SCML4: variants seen among roughly 807,000 people sequenced by gnomAD.
The protein encoded by SCML4 is sex comb on midleg-like protein 4.
SCML4 carries 34 observed loss-of-function variants against 41.1 expected under a neutral mutation model. The ratio of observed to expected loss-of-function variants is 0.83; its 90% CI spans 0.63 to 1.10. SCML4 has a LOEUF of 1.10. Ranked by LOEUF, SCML4 falls within the 50% of genes least tolerant of loss-of-function variation. The pLI, the probability that SCML4 is intolerant of heterozygous loss-of-function variation, is 0.00. For synonymous variants in SCML4, 214 were observed against 220.9 expected, an observed-to-expected ratio of 0.97 and a Z score of 0.28; for missense variants, 522 against 534.1, an observed-to-expected ratio of 0.98 and a Z score of 0.22.
intron 1 of SCML4, among the ~76,000 whole-genome samples, chr6:107,801,391 C>T (rs1279489095): frequency 6.6e-6 from 1 of 152,134 alleles, no homozygotes; most frequent in Non-Finnish European, 1.5e-5. Flanking sequence ...GAGGGCGTCT[C>T]CTTGGCGAGA....
rs536557390 is a variant in SCML4 at position 107,717,410 on chromosome 6, C to A, written c.973+3293G>T. On this transcript the variant is annotated intron_variant, in intron 6 of 7. Transcript: ENST00000369020. The stretch of plus-strand genomic sequence containing the variant: ...GCTCAACAGTGAACTTCAACTGATA[C>A]ATCACATAGCAGCTTTTCTCCAAAG... 2.0e-5 allele frequency among the ~76,000 whole-genome samples: 3 copies of A among 152,148 alleles called. No individual in the cohort carries two copies. In the East Asian group the frequency reaches 5.8e-4, roughly 29 times the overall value.
At chr6:107,831,411 C>CCAA in the SCML4 span, among the ~76,000 whole-genome samples, 2,153 of 105,858 alleles carry the variant, frequency 0.02, 94 homozygotes, top group Non-Finnish European at 0.026. Flanking sequence ...TTTTCATTCT[C>CCAA]AAAAAAAAAA....
intron 1 of SCML4, among the ~76,000 whole-genome samples, chr6:107,781,146 A>G (rs1206429695): frequency 1.3e-5 from 2 of 151,918 alleles, no homozygotes; most frequent in African/African-American, 4.8e-5. Context: ...AGAGAAAGTT[A>G]GAGTTTAAGG....
chr6:107,742,427 T>A (rs1210918736), intron 5 of SCML4, among the ~76,000 whole-genome samples: 1 of 152,044 alleles, frequency 6.6e-6, no homozygotes, highest in African/African-American at 2.4e-5. Flanking sequence ...CAAATATGCA[T>A]GTATAGGAAG....
chr6:107,784,387 A>G (rs967577195), intron 1 of SCML4, among the ~76,000 whole-genome samples: 3 of 152,116 alleles, frequency 2.0e-5, no homozygotes, highest in Non-Finnish European at 4.4e-5. Context: ...AGAGAGAATG[A>G]CTTTTAAGAT....
intron 5 of SCML4, among the ~76,000 whole-genome samples, chr6:107,741,229 C>T (rs749521766): frequency 6.6e-6 from 1 of 151,946 alleles, no homozygotes. Context: ...GGAGACAGTG[C>T]CTGGGGCCAC....
rs761181782 is a variant in SCML4, at chr6:107,704,045, T to G, written c.*1155A>C. The G allele has an allele frequency of 5.9e-5, 9 of 152,190 alleles. No homozygotes were observed. Among genetic ancestry groups the G allele is most frequent in the Non-Finnish European group, 1.0e-4 (7 of 68,030 alleles). 9.4% of individuals were successfully genotyped at this position (152,190 alleles called of 1,614,324 possible). A position where few individuals can be genotyped will look rare whatever the true frequency, so the allele number is the denominator to read the frequency against. On this transcript the variant is annotated 3_prime_UTR_variant, in exon 8 of 8. Transcript: ENST00000369020. ...AGCTGCAAAGGAGCAGAAAATCAATTTTTTCTATTACTCCACTGTGAGGAA... is the reference window on the plus strand; with the variant it reads ...AGCTGCAAAGGAGCAGAAAATCAATGTTTTCTATTACTCCACTGTGAGGAA...
chr6:107,821,592 C>T (rs540550894), intron 1 of SCML4, among the ~76,000 whole-genome samples: 1 of 152,258 alleles, frequency 6.6e-6, no homozygotes, highest in African/African-American at 2.4e-5. Flanking sequence ...ATTCCATCCC[C>T]ACATAAAATC....
At chr6:107,814,431 G>A (rs1332020607) in intron 1 of SCML4, among the ~76,000 whole-genome samples, 1 of 152,214 alleles carries the variant, frequency 6.6e-6, no homozygotes, top group Non-Finnish European at 1.5e-5. Flanking sequence ...GACATGGAAT[G>A]GTGATGTTTC....
intron 5 of SCML4, among the ~76,000 whole-genome samples, chr6:107,722,189 C>T (rs557330910): frequency 2.6e-5 from 4 of 151,682 alleles, no homozygotes; most frequent in African/African-American, 9.7e-5. Flanking sequence ...GTTGGCCAGG[C>T]TGGTCTCAAA....
chr6:107,714,850 G>A (rs2114373007), intron 6 of SCML4, among the ~76,000 whole-genome samples: 2 of 151,540 alleles, frequency 1.3e-5, no homozygotes, highest in South Asian at 4.2e-4. Context: ...AAATCCCAGG[G>A]CCACCAGCTC....
chr6:107,773,346 C>T (rs1780665024), intron 1 of SCML4, among the ~76,000 whole-genome samples: 1 of 152,064 alleles, frequency 6.6e-6, no homozygotes. Flanking sequence ...AATCCCAGCA[C>T]TTTGGGAAGC....
At chr6:107,726,251 G>C (rs4946853) in intron 5 of SCML4, among the ~76,000 whole-genome samples, 144,628 of 152,066 alleles carry the variant, frequency 0.95, 68,817 homozygotes, top group African/African-American at 0.98. Flanking sequence ...TATTCTAGCT[G>C]GGCTGGGCGC....
chr6:107,835,593 T>C, the SCML4 span, among the ~76,000 whole-genome samples: 3 of 151,088 alleles, frequency 2.0e-5, no homozygotes, highest in Non-Finnish European at 4.4e-5. Context: ...TCAAAAAAAT[T>C]ATCTGGGCAT....
intron 1 of SCML4, among the ~76,000 whole-genome samples, chr6:107,800,822 A>T (rs1783062033): frequency 6.6e-6 from 1 of 152,224 alleles, no homozygotes; most frequent in Non-Finnish European, 1.5e-5. Context: ...TTCTTCTTCC[A>T]GTGTTGTATT....
At chr6:107,722,198 A>C (rs1311024672) in intron 5 of SCML4, among the ~76,000 whole-genome samples, 3 of 151,726 alleles carry the variant, frequency 2.0e-5, no homozygotes, top group African/African-American at 7.3e-5. Flanking sequence ...GCTGGTCTCA[A>C]ACTCCTGACC....
chr6:107,709,759 G>A (rs1056780083), intron 6 of SCML4, among the ~76,000 whole-genome samples: 3 of 152,008 alleles, frequency 2.0e-5, no homozygotes, highest in African/African-American at 7.3e-5. Context: ...TGCGCAGGCT[G>A]GAGTGCAGTG....
At chr6:107,812,870 C>CACAT (rs1248094291) in intron 1 of SCML4, among the ~76,000 whole-genome samples, 6 of 127,284 alleles carry the variant, frequency 4.7e-5, no homozygotes, top group African/African-American at 1.8e-4. Context: ...GCTCTTTACA[C>CACAT]ACAGACACAT....
chr6:107,748,137 T>A (rs1778296897), intron 3 of SCML4, among the ~76,000 whole-genome samples: 1 of 152,248 alleles, frequency 6.6e-6, no homozygotes, highest in African/African-American at 2.4e-5. Flanking sequence ...AAGCATTGCA[T>A]ACATTGTAAA....
Sources: gnomAD v4.1 joint callset for allele counts (sites outside exome capture counted in the v4.1 genomes callset) on GRCh38, gnomAD v4.1.1 for gene constraint, MANE v1.5 for transcripts, NCBI Gene and HGNC (gene_info 2026-07-23, HGNC 2026-07-21) for gene names.